CLCN3: variants seen among roughly 807,000 people sequenced by gnomAD.
CLCN3 encodes the protein H(+)/Cl(-) exchange transporter 3.
CLCN3 carries 16 observed loss-of-function variants against 83.4 expected under a neutral mutation model. The ratio of observed to expected loss-of-function variants is 0.19; its 90% CI spans 0.13 to 0.29. CLCN3 has a LOEUF of 0.29. Among genes scored for constraint, CLCN3 ranks in the 10% least tolerant of loss-of-function variants. CLCN3 has a pLI of 1.00. For missense variants in CLCN3, 544 were observed against 1,006.0 expected, an observed-to-expected ratio of 0.54 and a Z score of 6.21; for synonymous variants, 322 against 346.2, an observed-to-expected ratio of 0.93 and a Z score of 0.78.
chr4:169,704,135 T>C lies in CLCN3; in HGVS notation c.1701T>C (p.Asp567=). 1.2e-6 allele frequency: 2 copies of C among 1,613,916 alleles called. No individual in the cohort carries two copies. The highest frequency in any genetic ancestry group is 1.7e-6 in the Non-Finnish European group (2 of 1,179,990). The change falls in exon 10 of 13, where the codon GAT becomes GAC. Residue 567 remains aspartate (D), a synonymous_variant. Transcript: ENST00000513761. Reference sequence around the variant, plus strand: ...AGGAGTGGTGTGAGGTCGGGGCTGATTGCATTACACCTGGCCTTTATGCCA... The same window carrying C: ...AGGAGTGGTGTGAGGTCGGGGCTGACTGCATTACACCTGGCCTTTATGCCA... ...IFKEWCEVGA[D]CITPGLYAMV... is the part of the protein sequence containing the mutation.
chr4:169,639,693 A>G (rs757751613), intron 2 of CLCN3, among the ~76,000 whole-genome samples: 13 of 152,154 alleles, frequency 8.5e-5, no homozygotes, highest in Non-Finnish European at 1.3e-4. Flanking sequence ...GTCTCTCACT[A>G]TGGGTTAAGG....
intron 6 of CLCN3, 124 bp downstream of exon 6, chr4:169,690,776 A>T (rs1055127056): frequency 6.9e-5 from 60 of 864,662 alleles, no homozygotes; most frequent in South Asian, 1.0e-4. Context: ...TGAAAAAAAA[A>T]TTTTTTTAAG....
chr4:169,703,332 A>G (rs1387169900), intron 9 of CLCN3, among the ~76,000 whole-genome samples: 1 of 152,252 alleles, frequency 6.6e-6, no homozygotes, highest in Non-Finnish European at 1.5e-5. Flanking sequence ...ATATGTCTGT[A>G]TATCAGTCAA....
At chr4:169,699,552 C>T (rs1315099477) in intron 9 of CLCN3, among the ~76,000 whole-genome samples, 1 of 152,056 alleles carries the variant, frequency 6.6e-6, no homozygotes. Flanking sequence ...TTTCTCTTGT[C>T]CTAAGTCTGT....
chr4:169,668,729 GA>G (rs1348757442), intron 2 of CLCN3, among the ~76,000 whole-genome samples: 8 of 133,906 alleles, frequency 6.0e-5, no homozygotes, highest in Non-Finnish European at 1.0e-4. Flanking sequence ...AAAAGTTTTT[GA>G]TTTTTTTTTT....
At chr4:169,666,013 T>C (rs1199663622) in intron 2 of CLCN3, among the ~76,000 whole-genome samples, 1 of 151,474 alleles carries the variant, frequency 6.6e-6, no homozygotes, top group Admixed American at 6.6e-5. Flanking sequence ...TCAGCAAATA[T>C]ATGTGGAAAG....
chr4:169,691,814 A>G (rs1240812736), intron 6 of CLCN3, among the ~76,000 whole-genome samples: 1 of 152,068 alleles, frequency 6.6e-6, no homozygotes, highest in East Asian at 1.9e-4. Flanking sequence ...TTTTTTGGTT[A>G]TGTAATTATA....
At chr4:169,679,761 G>C (rs904677919) in intron 2 of CLCN3, among the ~76,000 whole-genome samples, 1 of 152,164 alleles carries the variant, frequency 6.6e-6, no homozygotes, top group African/African-American at 2.4e-5. Context: ...GTGGCGGCGC[G>C]TGCCTGCAAT....
At chr4:169,668,029 G>A (rs556944745) in intron 2 of CLCN3, among the ~76,000 whole-genome samples, 47 of 146,420 alleles carry the variant, frequency 3.2e-4, no homozygotes, top group Middle Eastern at 3.7e-3. Flanking sequence ...GTGAGCCACC[G>A]CGCCCGGCCA....
At chr4:169,627,389 C>T (rs1365203567) in intron 1 of CLCN3, among the ~76,000 whole-genome samples, 1 of 152,122 alleles carries the variant, frequency 6.6e-6, no homozygotes, top group African/African-American at 2.4e-5. Context: ...AGCCAGCTTG[C>T]TTACTTTTCT....
intron 2 of CLCN3, among the ~76,000 whole-genome samples, chr4:169,645,609 C>G (rs2150209005): frequency 6.6e-6 from 1 of 152,180 alleles, no homozygotes; most frequent in Admixed American, 6.5e-5. Flanking sequence ...GGTAATTGGG[C>G]CTTCTGTTGT....
intron 2 of CLCN3, among the ~76,000 whole-genome samples, chr4:169,653,296 G>A (rs1730780322): frequency 6.6e-6 from 1 of 151,968 alleles, no homozygotes; most frequent in Non-Finnish European, 1.5e-5. Flanking sequence ...TAGTGTGTTA[G>A]TCTGTTTTGC....
In CLCN3 at chr4:169,621,927, C is replaced by T. The variant is rs145827032; in HGVS notation, c.-17+864C>T. ...TGCTTGTGTATAAATTGTTGACTTTCATCTTAAAAGGTGCTGCTGCTATTC... is the reference window on the plus strand; with the variant it reads ...TGCTTGTGTATAAATTGTTGACTTTTATCTTAAAAGGTGCTGCTGCTATTC... On this transcript the variant is annotated intron_variant, in intron 1 of 12. Transcript: ENST00000513761. Among the ~76,000 whole-genome samples the T allele has an allele frequency of 3.0e-3, 451 of 152,266 alleles. 2 individuals carry two copies. Among genetic ancestry groups the T allele is most frequent in the African/African-American group, 0.01 (426 of 41,532 alleles).
chr4:169,644,700 C>T (rs1211496318), intron 2 of CLCN3, among the ~76,000 whole-genome samples: 4 of 138,400 alleles, frequency 2.9e-5, no homozygotes, highest in Non-Finnish European at 6.3e-5. Context: ...CATCCCCACA[C>T]CCGAATTCCC....
chr4:169,712,356 A>G (rs907838274), intron 11 of CLCN3, among the ~76,000 whole-genome samples: 5 of 151,342 alleles, frequency 3.3e-5, no homozygotes, highest in African/African-American at 1.2e-4. Context: ...TTTTATCAGC[A>G]GTTTCATTCA....
chr4:169,679,141 G>A (rs569470835), intron 2 of CLCN3, among the ~76,000 whole-genome samples: 1 of 150,940 alleles, frequency 6.6e-6, no homozygotes, highest in Non-Finnish European at 1.5e-5. Context: ...AGATGGGGTC[G>A]CGGCTGGGCA....
chr4:169,640,714 A>G (rs1434944660), intron 2 of CLCN3, among the ~76,000 whole-genome samples: 2 of 152,150 alleles, frequency 1.3e-5, no homozygotes, highest in African/African-American at 4.8e-5. Flanking sequence ...AGAGAACCAT[A>G]TGGCTCTTGA....
intron 2 of CLCN3, chr4:169,660,129 GC>G (rs1193772924): frequency 9.1e-7 from 1 of 1,093,398 alleles, no homozygotes; most frequent in Non-Finnish European, 1.1e-6. Context: ...AGAAGGCTGT[GC>G]CGCCTCTAAG....
At chr4:169,641,152 G>T (rs1320758644) in intron 2 of CLCN3, among the ~76,000 whole-genome samples, 2 of 152,170 alleles carry the variant, frequency 1.3e-5, no homozygotes, top group East Asian at 3.9e-4. Flanking sequence ...CTGCTTGGGA[G>T]GCTGAGGCAA....
Sources: gnomAD v4.1 joint callset for allele counts (sites outside exome capture counted in the v4.1 genomes callset) on GRCh38, gnomAD v4.1.1 for gene constraint, MANE v1.5 for transcripts, NCBI Gene and HGNC (gene_info 2026-07-23, HGNC 2026-07-21) for gene names.